The following DCP1B variants were observed in gnomAD, a reference collection of about 807,000 sequenced individuals.
The protein encoded by DCP1B is decapping mRNA 1B, also known as mRNA-decapping enzyme 1B.
In DCP1B, 47 loss-of-function variants were observed where a neutral mutation model predicts 60.5. The ratio of observed to expected loss-of-function variants is 0.78; its 90% CI spans 0.61 to 0.99. The LOEUF is 0.99. DCP1B is among the 50% of genes least tolerant of loss of function. The pLI is 0.00. For synonymous variants in DCP1B, 267 were observed against 280.3 expected, an observed-to-expected ratio of 0.95 and a Z score of 0.47; for missense variants, 725 against 756.8, an observed-to-expected ratio of 0.96 and a Z score of 0.49.
intron 5 of DCP1B, among the ~76,000 whole-genome samples, chr12:1,960,891 C>T (rs1352171371): frequency 2.0e-5 from 3 of 152,196 alleles, no homozygotes; most frequent in Non-Finnish European, 4.4e-5. Flanking sequence ...CCTTCTCTCT[C>T]GCTACCTTTC....
chr12:1,948,952 C>G lies in DCP1B; in HGVS notation c.1773+134G>C. On this transcript the variant is annotated intron_variant, in intron 8 of 8. Coordinates refer to ENST00000280665, the MANE Select transcript of DCP1B (RefSeq NM_152640.5). The surrounding 1 kb of genome is among the most constrained non-coding windows in gnomAD (Gnocchi z 4.8). Reference sequence around the variant, plus strand: ...AACTGAGCACAGAAGCCGCTGGGGTCAGGATGAGTTGTTACACACACCTGT... The same window carrying G: ...AACTGAGCACAGAAGCCGCTGGGGTGAGGATGAGTTGTTACACACACCTGT... 8.4e-7 allele frequency: 1 copy of G among 1,184,696 alleles called. No homozygotes were observed. Among genetic ancestry groups the G allele is most frequent in the South Asian group, 1.5e-5 (1 of 64,940 alleles). 73.4% of individuals were successfully genotyped at this position (1,184,696 alleles called of 1,614,324 possible).
intron 8 of DCP1B, among the ~76,000 whole-genome samples, chr12:1,947,951 C>T (rs944330010): frequency 6.6e-6 from 1 of 152,154 alleles, no homozygotes; most frequent in African/African-American, 2.4e-5. Flanking sequence ...GCGTGAGCAG[C>T]CACTGTGCCC....
intron 3 of DCP1B, chr12:1,991,304 A>G (rs2039352889): frequency 2.3e-6 from 1 of 440,860 alleles, no homozygotes; most frequent in Admixed American, 2.6e-5. Flanking sequence ...AAACATGGTA[A>G]AATAAATGAA....
At chr12:1,983,795 A>G (rs955385647) in intron 3 of DCP1B, among the ~76,000 whole-genome samples, 2 of 151,662 alleles carry the variant, frequency 1.3e-5, no homozygotes, top group African/African-American at 4.8e-5. Flanking sequence ...CTCTTGCTCT[A>G]TTGATTGTAG....
downstream of DCP1B, among the ~76,000 whole-genome samples, chr12:1,944,015 A>G (rs148198805): frequency 5.4e-3 from 819 of 152,358 alleles, 10 homozygotes; most frequent in African/African-American, 0.019. Context: ...TGCAGATGAC[A>G]TGACTGTATA....
In DCP1B at chr12:1,971,861, C is replaced by T. The variant is rs1180990779; in HGVS notation, c.320-3951G>A. Among the ~76,000 whole-genome samples the T allele has an allele frequency of 1.3e-5, 2 of 152,074 alleles. No homozygotes were observed. Among genetic ancestry groups the T allele is most frequent in the Non-Finnish European group, 2.9e-5 (2 of 68,012 alleles). ...TTATAATTTGTTTTATATTTTTACCCAAATACCATACAACTCCAAATCATG... is the reference window on the plus strand; with the variant it reads ...TTATAATTTGTTTTATATTTTTACCTAAATACCATACAACTCCAAATCATG... On this transcript the variant is annotated intron_variant, in intron 3 of 8. Transcript: ENST00000280665. The surrounding 1 kb of genome is among the most constrained non-coding windows in gnomAD (Gnocchi z 4.2).
intron 7 of DCP1B, among the ~76,000 whole-genome samples, chr12:1,951,456 G>A (rs181716404): frequency 1.3e-5 from 2 of 152,338 alleles, no homozygotes; most frequent in East Asian, 3.9e-4. Context: ...ATGATCAATA[G>A]CTTGTGGTTT....
At position 1,949,160 on chromosome 12, in the gene DCP1B, G is replaced by C; in HGVS notation, c.1699C>G (p.Pro567Ala). Residue 567 changes from proline to alanine, a missense_variant, in exon 8 of 9, where the codon CCG becomes GCG. Coordinates refer to ENST00000280665, the MANE Select transcript of DCP1B (RefSeq NM_152640.5). Reference protein sequence around the residue: ...ATSLLLPIQSPEPSVITSSPL... With the variant: ...ATSLLLPIQSAEPSVITSSPL... ...CTGCTGGTGATCACGGAGGGCTCCGGGCTCTGTATGGGCAGGAGGAGGCTG... is the reference window on the plus strand; with the variant it reads ...CTGCTGGTGATCACGGAGGGCTCCGCGCTCTGTATGGGCAGGAGGAGGCTG... 1 of 1,614,152 alleles carries C rather than the reference G, an allele frequency of 6.2e-7. No homozygotes were observed. The highest frequency in any genetic ancestry group is 1.1e-5 in the South Asian group (1 of 91,086).
chr12:1,946,661 A>G (rs921973799), intron 8 of DCP1B, among the ~76,000 whole-genome samples: 5 of 152,116 alleles, frequency 3.3e-5, no homozygotes, highest in Admixed American at 6.5e-5. Context: ...GTGGTCTCAA[A>G]GTTTGGTTAA....
chr12:1,942,699 A>C (rs555995984), downstream of DCP1B, among the ~76,000 whole-genome samples: 5 of 152,302 alleles, frequency 3.3e-5, no homozygotes, highest in South Asian at 1.0e-3. Context: ...CTACTGGGTA[A>C]ATAACGAAAT....
intron 3 of DCP1B, among the ~76,000 whole-genome samples, chr12:1,983,508 T>C (rs185977237): frequency 6.6e-6 from 1 of 152,174 alleles, no homozygotes; most frequent in African/African-American, 2.4e-5. Flanking sequence ...TGCTGTTTAA[T>C]TTCCAAATAT....
rs567162853 is a variant in DCP1B at position 1,967,765 on chromosome 12, C to T, written c.386+79G>A. The T allele has an allele frequency of 5.0e-6, 6 of 1,199,858 alleles. No homozygotes were observed. The East Asian group carries it at 9.4e-5, about 19-fold the overall frequency. The allele number at this position is 1,199,858 out of a possible 1,614,324, so 74.3% of individuals were successfully genotyped here. ...CTATGGGAGATATATTCTGTTAAGA[C>T]TGTAGTATAGTTACACACACTTAGA... On this transcript the variant is annotated intron_variant, in intron 4 of 8. Coordinates refer to ENST00000280665, the MANE Select transcript of DCP1B (RefSeq NM_152640.5).
At chr12:1,977,448 T>G (rs1311090129) in intron 3 of DCP1B, among the ~76,000 whole-genome samples, 1 of 152,230 alleles carries the variant, frequency 6.6e-6, no homozygotes, top group Non-Finnish European at 1.5e-5. Flanking sequence ...GTCTTATGCA[T>G]TCTGATGTTC....
chr12:1,950,928 C>T (rs1592777474), intron 7 of DCP1B, among the ~76,000 whole-genome samples: 2 of 152,220 alleles, frequency 1.3e-5, no homozygotes, highest in South Asian at 2.1e-4. Context: ...ATTACAGGCA[C>T]GAGTCACCAT....
At chr12:1,998,273 T>C (rs1359950844) in intron 1 of DCP1B, among the ~76,000 whole-genome samples, 1 of 152,204 alleles carries the variant, frequency 6.6e-6, no homozygotes. Flanking sequence ...AGAAAATAAG[T>C]GTGCTATGCG....
intron 5 of DCP1B, among the ~76,000 whole-genome samples, chr12:1,958,112 C>G (rs2030960101): frequency 6.7e-6 from 1 of 149,704 alleles, no homozygotes; most frequent in African/African-American, 2.5e-5. Flanking sequence ...TGGAAGGAAA[C>G]AGGGGAAAAG....
intron 1 of DCP1B, 165 bp downstream of exon 1, chr12:2,004,117 A>AC: frequency 6.2e-6 from 6 of 968,960 alleles, no homozygotes; most frequent in Non-Finnish European, 9.0e-6. Flanking sequence ...CTTCCCCCAA[A>AC]CCCCCGAGAC....
intron 3 of DCP1B, chr12:1,992,860 G>A (rs961612534): frequency 2.4e-6 from 1 of 416,338 alleles, no homozygotes; most frequent in Non-Finnish European, 4.3e-6. Context: ...AGCTCACTCG[G>A]CCAAAAGTGA....
chr12:1,977,791 C>T (rs1327780641), intron 3 of DCP1B, among the ~76,000 whole-genome samples: 1 of 152,130 alleles, frequency 6.6e-6, no homozygotes, highest in Non-Finnish European at 1.5e-5. Context: ...AATTATGACT[C>T]ATCATTGTTC....
Sources: allele counts gnomAD v4.1 joint callset (sites outside exome capture counted in the v4.1 genomes callset), GRCh38; gene constraint gnomAD v4.1.1; non-coding constraint Gnocchi (gnomAD v3.1); transcripts MANE v1.5; gene names NCBI Gene and HGNC (gene_info 2026-07-23, HGNC 2026-07-21).